Variants in HSD3B7 observed in about 807,000 individuals in gnomAD.
HSD3B7 encodes 3 beta-hydroxysteroid dehydrogenase type 7.
Under a neutral mutation model 34.3 loss-of-function variants are expected in HSD3B7, and 35 were observed. The ratio of observed to expected loss-of-function variants is 1.02; its 90% CI spans 0.78 to 1.35. The LOEUF is 1.35. HSD3B7 is among the 40% of genes most tolerant of loss of function. The pLI, the probability that HSD3B7 is intolerant of heterozygous loss-of-function variation, is 0.00. For missense variants in HSD3B7, 426 were observed against 504.7 expected, an observed-to-expected ratio of 0.84 and a Z score of 1.49; for synonymous variants, 217 against 220.1, an observed-to-expected ratio of 0.99 and a Z score of 0.13.
intron 2 of HSD3B7, 74 bp downstream of exon 2, chr16:30,985,898 C>G: frequency 6.3e-7 from 1 of 1,584,878 alleles, no homozygotes; most frequent in East Asian, 2.3e-5. Context: ...GGATCCCCAC[C>G]CCTGCAGTGG....
Position 30,986,515 on chromosome 16 carries a change from G to A in HSD3B7, c.415G>A (p.Gly139Ser), listed in dbSNP as rs764539853. The stretch of plus-strand genomic sequence containing the variant: ...GGAAGTTGTGGGGCCTAACACCAAA[G>A]GTCACCCCTTCTACAGGTGAGTGGC... ...SMEVVGPNTK[G>S]HPFYRGNEDT... Residue 139 changes from glycine (G) to serine (S), a missense_variant, in exon 4 of 7, where the codon GGT (glycine) becomes AGT (serine). Gly to Ser is a moderately conservative substitution (Grantham distance 56). Coordinates refer to ENST00000297679, the MANE Select transcript of HSD3B7 (RefSeq NM_025193.4). 1.9e-5 allele frequency: 30 copies of A among 1,613,942 alleles called. No individual in the cohort carries two copies. The highest frequency in any genetic ancestry group is 8.0e-5 in the African/African-American group (6 of 74,918).
chr16:30,987,865 C>G lies in HSD3B7; in HGVS notation c.792C>G (p.Pro264=). 6.2e-7 allele frequency: 1 copy of G among 1,613,772 alleles called. No homozygotes were observed. The highest frequency in any genetic ancestry group is 8.5e-7 in the Non-Finnish European group (1 of 1,179,982). Residue 264 remains proline (P), a synonymous_variant, in exon 7 of 7, where the codon CCC becomes CCG. Transcript: ENST00000297679. Reference sequence around the variant, plus strand: ...TATACTTCTGCTACGATGGATCACCCTACAGGAGCTACGAGGATTTCAACA... The same window carrying G: ...TATACTTCTGCTACGATGGATCACCGTACAGGAGCTACGAGGATTTCAACA... ...GQVYFCYDGS[P]YRSYEDFNME... is the part of the protein sequence containing the mutation.
In HSD3B7 at chr16:30,988,237, G is replaced by A; in HGVS notation, c.*54G>A. 1 of 1,517,394 alleles carries A rather than the reference G, an allele frequency of 6.6e-7. No individual in the cohort carries two copies. The highest frequency in any genetic ancestry group is 8.9e-7 in the Non-Finnish European group (1 of 1,128,578). The allele number at this position is 1,517,394 out of a possible 1,614,324, so 94.0% of individuals were successfully genotyped here. A position where few individuals can be genotyped will look rare whatever the true frequency, so the allele number is the denominator to read the frequency against. On this transcript the variant is annotated 3_prime_UTR_variant, in exon 7 of 7. Coordinates refer to ENST00000297679, the MANE Select transcript of HSD3B7 (RefSeq NM_025193.4). ...TACAGCACATCCACCCAGGTCCCGA[G>A]CCCTCACACCCTGGACGGGAAGGGA...
chr16:30,986,291 C>A, intron 3 of HSD3B7, 87 bp downstream of exon 3: 1 of 1,568,662 alleles, frequency 6.4e-7, no homozygotes, highest in Non-Finnish European at 8.7e-7. Context: ...TCCCCTGGGA[C>A]AAGTTGTCCT....
chr16:30,987,594 C>T, intron 6 of HSD3B7, 174 bp from the exon 7 acceptor site: 1 of 723,400 alleles, frequency 1.4e-6, no homozygotes, highest in African/African-American at 1.7e-5. Flanking sequence ...GCAGGCTGGC[C>T]CAGGAGAGCA....
chr16:30,985,520 T>A, intron 1 of HSD3B7, 133 bp from the exon 2 acceptor site: 1 of 1,520,280 alleles, frequency 6.6e-7, no homozygotes, highest in South Asian at 1.2e-5. Context: ...GCCTGGTTGC[T>A]GCAGCTCCCA....
rs867725031 is a variant in HSD3B7 at position 30,986,928 on chromosome 16, G to A, written c.620G>A (p.Arg207His). Reference protein sequence around the residue: ...EGHQIMRDFYRQGLRLGGWLF... With the variant: ...EGHQIMRDFYHQGLRLGGWLF... The stretch of plus-strand genomic sequence containing the variant: ...CACCAGATCATGAGGGACTTCTACC[G>A]CCAGGGCCTGCGCCTGGGAGGTTGG... The change falls in exon 6 of 7, where the codon CGC (arginine) becomes CAC (histidine). Residue 207 changes from arginine to histidine, a missense_variant. Physicochemically the swap from Arg to His is conservative, Grantham distance 29. Coordinates refer to ENST00000297679, the MANE Select transcript of HSD3B7 (RefSeq NM_025193.4). The A allele has an allele frequency of 1.9e-6, 3 of 1,613,760 alleles. No individual in the cohort carries two copies. Among genetic ancestry groups the A allele is most frequent in the South Asian group, 1.1e-5 (1 of 91,088 alleles).
intron 2 of HSD3B7, 70 bp from the exon 3 acceptor site, chr16:30,985,979 G>A: frequency 6.3e-7 from 1 of 1,589,476 alleles, no homozygotes. Context: ...ACTCCAGGGT[G>A]GAAGATGAAC....
Position 30,985,287 on chromosome 16 carries a change from A to C in HSD3B7, c.-17A>C, listed in dbSNP as rs1596701562. On this transcript the variant is annotated 5_prime_UTR_variant, in exon 1 of 7. Transcript: ENST00000297679. ...CAGGCCAGTCTGGGCACCCTGGGAT[A>C]GCGGCTGCAGGTAGGCAGAGGCGCT... is the stretch of plus-strand genomic sequence containing the variant. The C allele has an allele frequency of 8.4e-7, 1 of 1,185,482 alleles. No individual in the cohort carries two copies. Among genetic ancestry groups the C allele is most frequent in the East Asian group, 5.9e-5 (1 of 16,912 alleles). 73.4% of individuals were successfully genotyped at this position (1,185,482 alleles called of 1,614,324 possible). A position where few individuals can be genotyped will look rare whatever the true frequency, so the allele number is the denominator to read the frequency against.
chr16:30,986,656 C>A lies in HSD3B7; in HGVS notation c.483C>A (p.Cys161Ter), dbSNP rs757771601. The A allele has an allele frequency of 6.2e-7, 1 of 1,614,092 alleles. No individual in the cohort carries two copies. The highest frequency in any genetic ancestry group is 1.7e-5 in the Admixed American group (1 of 60,010). Residue 161 changes from cysteine to a stop codon, truncating the protein, a stop_gained, in exon 5 of 7, where the codon TGC (cysteine) becomes TGA (stop). Transcript: ENST00000297679. LOFTEE classifies it high-confidence loss of function. The part of the protein sequence containing the change: ...YEAVHRHPYP[C>*]SKALAEWLVL... The stretch of plus-strand genomic sequence containing the variant: ...CAGTGCACAGGCACCCCTATCCTTG[C>A]AGCAAGGCCCTGGCCGAGTGGCTGG...
intron 3 of HSD3B7, 63 bp from the exon 4 acceptor site, chr16:30,986,360 G>A (rs1017038665): frequency 9.6e-6 from 15 of 1,569,710 alleles, no homozygotes; most frequent in Non-Finnish European, 1.3e-5. Context: ...GACCTGGGAT[G>A]GGGAGGAGGA....
At position 30,986,282 on chromosome 16, in the gene HSD3B7, C is replaced by T. The variant is rs1314266721; in HGVS notation, c.322+78C>T. ...TCTTTGGCCTTGACCTCCGGTGACT[C>T]CCCTGGGACAAGTTGTCCTATTGAC... On this transcript the variant is annotated intron_variant, in intron 3 of 6. Transcript: ENST00000297679. The T allele has an allele frequency of 1.4e-5, 22 of 1,573,878 alleles. No individual in the cohort carries two copies. The Admixed American group carries it at 1.5e-4, about 11-fold the overall frequency.
rs1340652116 is a variant in HSD3B7, at chr16:30,987,905, C to T, written c.832C>T (p.Pro278Ser). 6.2e-6 allele frequency: 10 copies of T among 1,613,838 alleles called. No individual in the cohort carries two copies. The highest frequency in any genetic ancestry group is 8.5e-6 in the Non-Finnish European group (10 of 1,180,006). The change falls in exon 7 of 7, where the codon CCC (proline) becomes TCC (serine). Residue 278 changes from proline (P) to serine (S), a missense_variant. Physicochemically the swap from Pro to Ser is moderately conservative, Grantham distance 74 (BLOSUM62 -1). Transcript: ENST00000297679. Reference protein sequence around the residue: ...YEDFNMEFLGPCGLRLVGARP... With the variant: ...YEDFNMEFLGSCGLRLVGARP... ...GGATTTCAACATGGAGTTCCTGGGC[C>T]CCTGCGGACTGCGGCTGGTGGGCGC...
At chr16:30,987,149 T>TAA in intron 6 of HSD3B7, 147 bp downstream of exon 6, 2 of 770,108 alleles carry the variant, frequency 2.6e-6, no homozygotes. Flanking sequence ...TAGACTGTGA[T>TAA]TATGTCTCCA....
In HSD3B7 at chr16:30,988,026, TGCTGAACCCCTACAC is replaced by T. The variant is rs1163644874; in HGVS notation, c.958_972del (p.Asn320_Leu324del). On this transcript the variant is annotated inframe_deletion, in exon 7 of 7. Transcript: ENST00000297679. ...CGGCCACTGGTGCTCTACGCACCCC[TGCTGAACCCCTACAC>T]GCTGGCCGTGGCCAACACCACCTTC... 3.1e-6 allele frequency: 5 copies of T among 1,608,056 alleles called. No individual in the cohort carries two copies. The South Asian group carries it at 5.5e-5, about 18-fold the overall frequency.
In HSD3B7 at chr16:30,985,814, G is replaced by A. The variant is rs563354870; in HGVS notation, c.156G>A (p.Glu52=). The A allele has an allele frequency of 3.7e-5, 59 of 1,600,634 alleles. No homozygotes were observed. In the Admixed American group the frequency reaches 4.4e-4, roughly 12 times the overall value. ...FDQHLGPWLE[E]LKTGPVRVTA... ...AACACCTGGGTCCCTGGCTGGAGGA[G>A]CTGAAGACAGGTTCTTGTTGGGGGA... Residue 52 remains glutamate, a synonymous_variant, in exon 2 of 7, where the codon GAG becomes GAA. Coordinates refer to ENST00000297679, the MANE Select transcript of HSD3B7 (RefSeq NM_025193.4).
intron 1 of HSD3B7, 37 bp downstream of exon 1, chr16:30,985,334 C>T: frequency 4.0e-6 from 5 of 1,247,118 alleles, no homozygotes; most frequent in Non-Finnish European, 5.1e-6. Flanking sequence ...GGTGGCCTTT[C>T]CCTCCATCCG....
chr16:30,988,208 C>A lies in HSD3B7; in HGVS notation c.*25C>A, dbSNP rs1343468848. 6.4e-7 allele frequency: 1 copy of A among 1,568,396 alleles called. No homozygotes were observed. The highest frequency in any genetic ancestry group is 2.3e-5 in the East Asian group (1 of 42,770). On this transcript the variant is annotated 3_prime_UTR_variant, in exon 7 of 7. Coordinates refer to ENST00000297679, the MANE Select transcript of HSD3B7 (RefSeq NM_025193.4). ...ACGGTGGGGCTGGGGCCTGGAGGCC[C>A]AGATACAGCACATCCACCCAGGTCC...
chr16:30,986,251 ACT>A, intron 3 of HSD3B7, 47 bp downstream of exon 3: 2 of 1,601,276 alleles, frequency 1.2e-6, no homozygotes, highest in South Asian at 1.1e-5. Flanking sequence ...TTTGTTCCCC[ACT>A]CTGTCTTTGG....
Sources: allele counts gnomAD v4.1 joint callset, GRCh38; gene constraint gnomAD v4.1.1; transcripts MANE v1.5; gene names NCBI Gene and HGNC (gene_info 2026-07-23, HGNC 2026-07-21).